PITPNM2: variants seen among roughly 807,000 people sequenced by gnomAD.
The protein encoded by PITPNM2 is phosphatidylinositol transfer protein membrane associated 2.
In PITPNM2, 35 loss-of-function variants were observed where a neutral mutation model predicts 132.2. The ratio of observed to expected loss-of-function variants is 0.26; its 90% CI spans 0.20 to 0.35. The LOEUF (loss-of-function observed/expected upper bound fraction) is 0.35. Among genes scored for constraint, PITPNM2 ranks in the 10% least tolerant of loss-of-function variants. The pLI is 1.00. For missense variants in PITPNM2, 1,332 were observed against 1,912.0 expected, an observed-to-expected ratio of 0.70 and a Z score of 5.66; for synonymous variants, 738 against 799.2, an observed-to-expected ratio of 0.92 and a Z score of 1.29.
chr12:123,105,926 A>G (rs1262610205), intron 2 of PITPNM2, among the ~76,000 whole-genome samples: 1 of 152,164 alleles, frequency 6.6e-6, no homozygotes. Context: ...CCAAGACAGC[A>G]GGGCACCCGG....
intron 3 of PITPNM2, among the ~76,000 whole-genome samples, chr12:123,015,846 C>T (rs2039406346): frequency 6.6e-6 from 1 of 152,132 alleles, no homozygotes; most frequent in Non-Finnish European, 1.5e-5. Context: ...CATTTGCATA[C>T]CATGTATCTG....
In PITPNM2 at chr12:122,993,411, G is replaced by GT. The variant is rs1473195192; in HGVS notation, c.2234-743dup. Among the ~76,000 whole-genome samples, 3 of 152,226 alleles carry GT rather than the reference G, an allele frequency of 2.0e-5. No homozygotes were observed. The highest frequency in any genetic ancestry group is 4.4e-5 in the Non-Finnish European group (3 of 68,050). On this transcript the variant is annotated intron_variant, in intron 15 of 25. Coordinates refer to ENST00000320201, the MANE Select transcript of PITPNM2 (RefSeq NM_020845.3). This position sits in a 1 kb window ranked among gnomAD's most constrained non-coding sequence, Gnocchi z 5.2. ...CAAGGTTGTGTTAATTATTAGTGCT[G>GT]TATCTCACTTTTAGAGGGACATAAA...
intron 1 of PITPNM2, among the ~76,000 whole-genome samples, chr12:123,132,293 C>A (rs1368061326): frequency 4.6e-5 from 7 of 152,196 alleles, no homozygotes; most frequent in African/African-American, 1.7e-4. Context: ...GAACACCCAC[C>A]TCCACTCCCC....
At chr12:123,034,327 T>C in intron 3 of PITPNM2, 186 bp downstream of exon 3, 1 of 567,542 alleles carries the variant, frequency 1.8e-6, no homozygotes, top group Non-Finnish European at 3.1e-6. Flanking sequence ...CGTGCGCCCA[T>C]GGTGTGCTCT....
chr12:123,006,697 A>G (rs190610685), intron 6 of PITPNM2, among the ~76,000 whole-genome samples: 74 of 148,822 alleles, frequency 5.0e-4, no homozygotes, highest in Admixed American at 2.0e-3. Context: ...TGGGTGACAG[A>G]GTAAGACCCT....
Position 123,074,631 on chromosome 12 carries a change from C to A in PITPNM2, c.-96+35754G>T, listed in dbSNP as rs568722321. Among the ~76,000 whole-genome samples the A allele has an allele frequency of 3.0e-4, 45 of 151,244 alleles. No homozygotes were observed. The Middle Eastern group carries it at 0.021, about 70-fold the overall frequency. On this transcript the variant is annotated intron_variant, in intron 2 of 25. Coordinates refer to ENST00000320201, the MANE Select transcript of PITPNM2 (RefSeq NM_020845.3). Reference sequence around the variant, plus strand: ...CATGCCTACACATACACCCACCCACCCACACACACACACAAACACACACAT... The same window carrying A: ...CATGCCTACACATACACCCACCCACACACACACACACACAAACACACACAT...
chr12:122,997,368 G>A lies in PITPNM2; in HGVS notation c.1429C>T (p.Pro477Ser). The change falls in exon 11 of 26, where the codon CCC (proline) becomes TCC (serine). Residue 477 changes from proline (P) to serine (S), a missense_variant. Physicochemically the swap from Pro to Ser is moderately conservative, Grantham distance 74 (BLOSUM62 -1). Around this residue, in one of 6 missense-constraint regions of PITPNM2, gnomAD observed 710 missense variants for 911.5 expected, o/e 0.78. Coordinates refer to ENST00000320201, the MANE Select transcript of PITPNM2 (RefSeq NM_020845.3). ...GCGTCAGAGCAGACGGGCGGGCAGG[G>A]CACCAGGCGGATGGCAAGGCGGCCC... ...ALGRLAIRLV[P>S]CPPVCSDAFA... 2 of 1,613,354 alleles carry A rather than the reference G, an allele frequency of 1.2e-6. No homozygotes were observed. Among genetic ancestry groups the A allele is most frequent in the Non-Finnish European group, 1.7e-6 (2 of 1,179,972 alleles).
Position 123,097,041 on chromosome 12 carries a change from A to T in PITPNM2, c.-96+13344T>A, listed in dbSNP as rs2042428431. On this transcript the variant is annotated intron_variant, in intron 2 of 25. Coordinates refer to ENST00000320201, the MANE Select transcript of PITPNM2 (RefSeq NM_020845.3). This position sits in a 1 kb window ranked among gnomAD's most constrained non-coding sequence, Gnocchi z 4.7. ...TTTATTATTATTTATTTATTTATTT[A>T]TTTTTAATTTATTTTTTTGGTATGG... 6.6e-6 allele frequency among the ~76,000 whole-genome samples: 1 copy of T among 151,832 alleles called. No individual in the cohort carries two copies. The highest frequency in any genetic ancestry group is 6.6e-5 in the Admixed American group (1 of 15,230).
intron 1 of PITPNM2, among the ~76,000 whole-genome samples, chr12:123,138,223 G>A (rs1282173286): frequency 1.3e-5 from 2 of 152,118 alleles, no homozygotes; most frequent in Non-Finnish European, 2.9e-5. Context: ...GAGGTGGGTG[G>A]ATCGCTTGAG....
chr12:123,073,241 A>C (rs1186729047), intron 2 of PITPNM2, among the ~76,000 whole-genome samples: 4 of 152,196 alleles, frequency 2.6e-5, no homozygotes, highest in Admixed American at 6.5e-5. Flanking sequence ...TCTCTAAGCT[A>C]CGGAAAAATT....
At chr12:123,063,212 G>A (rs1426857012) in intron 2 of PITPNM2, among the ~76,000 whole-genome samples, 2 of 152,222 alleles carry the variant, frequency 1.3e-5, no homozygotes, top group South Asian at 2.1e-4. Context: ...GGGCTTGGTG[G>A]TTGAGAGCTT....
intron 1 of PITPNM2, among the ~76,000 whole-genome samples, chr12:123,128,845 G>A (rs373451467): frequency 1.7e-4 from 26 of 151,736 alleles, no homozygotes; most frequent in African/African-American, 5.3e-4. Context: ...ACGTTTTTAA[G>A]ATTAATGAGG....
chr12:123,080,750 G>A (rs995357062), intron 2 of PITPNM2, among the ~76,000 whole-genome samples: 11 of 152,230 alleles, frequency 7.2e-5, no homozygotes, highest in Admixed American at 6.5e-5. Flanking sequence ...CACTGACTAC[G>A]TGACTAGCCA....
chr12:123,025,392 T>C (rs1330269177), intron 3 of PITPNM2, among the ~76,000 whole-genome samples: 1 of 151,614 alleles, frequency 6.6e-6, no homozygotes, highest in Non-Finnish European at 1.5e-5. Flanking sequence ...GCATGTGTCA[T>C]CTCTCCCTCT....
chr12:123,110,928 T>C (rs1357960933), intron 1 of PITPNM2, among the ~76,000 whole-genome samples: 1 of 152,154 alleles, frequency 6.6e-6, no homozygotes, highest in Non-Finnish European at 1.5e-5. Context: ...TCCGAGAGGA[T>C]GGCGTCCTGA....
At position 122,984,679 on chromosome 12, in the gene PITPNM2, A is replaced by G. The variant is rs912829209; in HGVS notation, c.*1348T>C. On this transcript the variant is annotated 3_prime_UTR_variant, in exon 26 of 26. Coordinates refer to ENST00000320201, the MANE Select transcript of PITPNM2 (RefSeq NM_020845.3). Reference sequence around the variant, plus strand: ...CCCAGCCCGGTCCATGCGTCCCAACACCAGACCCAGGTCGGCCGTAGCTTC... The same window carrying G: ...CCCAGCCCGGTCCATGCGTCCCAACGCCAGACCCAGGTCGGCCGTAGCTTC... 7.2e-5 allele frequency: 11 copies of G among 151,770 alleles called. No homozygotes were observed. Among genetic ancestry groups the G allele is most frequent in the African/African-American group, 2.4e-4 (10 of 41,296 alleles). The allele number at this position is 151,770 out of a possible 1,614,324, so 9.4% of individuals were successfully genotyped here. A position where few individuals can be genotyped will look rare whatever the true frequency, so the allele number is the denominator to read the frequency against.
chr12:123,018,179 C>T (rs2039517775), intron 3 of PITPNM2, among the ~76,000 whole-genome samples: 1 of 151,896 alleles, frequency 6.6e-6, no homozygotes, highest in Non-Finnish European at 1.5e-5. Flanking sequence ...TAGTGATCCT[C>T]TCACCTCAAC....
chr12:123,151,522 A>G (rs1159907800), upstream of PITPNM2, among the ~76,000 whole-genome samples: 1 of 152,132 alleles, frequency 6.6e-6, no homozygotes, highest in Non-Finnish European at 1.5e-5. Context: ...AGCTCACCGA[A>G]GCCCAGCCCC....
At position 123,108,756 on chromosome 12, in the gene PITPNM2, C is replaced by A. The variant is rs957680577; in HGVS notation, c.-96+1629G>T. Among the ~76,000 whole-genome samples the A allele has an allele frequency of 5.3e-5, 8 of 152,166 alleles. No individual in the cohort carries two copies. The highest frequency in any genetic ancestry group is 8.8e-5 in the Non-Finnish European group (6 of 68,030). On this transcript the variant is annotated intron_variant, in intron 2 of 25. Transcript: ENST00000320201. The surrounding 1 kb of genome is among the most constrained non-coding windows in gnomAD (Gnocchi z 4.4). The stretch of plus-strand genomic sequence containing the variant: ...AGAAGATAACAGTCCACGGTGCCAG[C>A]CTGGAACTACGGAGCCACAGAGGCA...
Sources: gnomAD v4.1 joint callset for allele counts (sites outside exome capture counted in the v4.1 genomes callset) on GRCh38, gnomAD v4.1.1 for gene constraint, gnomAD v4.1.1 regional missense constraint, Gnocchi (gnomAD v3.1) non-coding constraint, MANE v1.5 for transcripts, NCBI Gene and HGNC (gene_info 2026-07-23, HGNC 2026-07-21) for gene names.